The following CEP192 variants were observed in gnomAD, a reference collection of about 807,000 sequenced individuals.
CEP192 encodes the protein centrosomal protein 192.
A neutral mutation model predicts 271.8 loss-of-function variants in CEP192; 151 were observed. The observed-to-expected ratio is 0.56, with a 90% CI of 0.49 to 0.64. The LOEUF is 0.64. CEP192 is among the 30% of genes least tolerant of loss of function. The probability of loss-of-function intolerance (pLI) is 0.00; values close to 1 mark genes in which losing one functional copy is unlikely to be tolerated. For missense variants in CEP192, 2,910 were observed against 3,020.5 expected, an observed-to-expected ratio of 0.96 and a Z score of 0.86; for synonymous variants, 995 against 1,076.5, an observed-to-expected ratio of 0.92 and a Z score of 1.48.
intron 2 of CEP192, among the ~76,000 whole-genome samples, chr18:13,001,009 T>G (rs554508933): frequency 6.6e-6 from 1 of 152,352 alleles, no homozygotes; most frequent in South Asian, 2.1e-4. Flanking sequence ...AAAATTTCTG[T>G]TTTATTACCA....
intron 30 of CEP192, among the ~76,000 whole-genome samples, chr18:13,081,491 C>A (rs1195664758): frequency 3.3e-5 from 5 of 151,920 alleles, no homozygotes; most frequent in Admixed American, 2.0e-4. Flanking sequence ...ATCCCCTTTA[C>A]CATTGTTTAT....
chr18:13,084,758 C>T lies in CEP192; in HGVS notation c.5617-2259C>T, dbSNP rs186342310. On this transcript the variant is annotated intron_variant, in intron 30 of 44. Coordinates refer to ENST00000506447, the MANE Select transcript of CEP192 (RefSeq NM_032142.4). ...CTGTTCTTATTCAGCCATCTTGAAA[C>T]GGAGTCTCTAATGATCGCCATTCTC... Among the ~76,000 whole-genome samples, 473 of 152,180 alleles carry T rather than the reference C, an allele frequency of 3.1e-3. 5 individuals are homozygous for T. Among genetic ancestry groups the T allele is most frequent in the African/African-American group, 0.011 (461 of 41,534 alleles).
chr18:13,077,259 A>C (rs1373730678), intron 30 of CEP192, among the ~76,000 whole-genome samples: 1 of 152,140 alleles, frequency 6.6e-6, no homozygotes, highest in African/African-American at 2.4e-5. Context: ...GAGTATCCCT[A>C]ATCTGAAAAT....
intron 2 of CEP192, 150 bp from the exon 3 acceptor site, chr18:13,001,307 T>C (rs1025459205): frequency 1.8e-6 from 1 of 563,402 alleles, no homozygotes; most frequent in Non-Finnish European, 3.1e-6. Flanking sequence ...GTTTCCGTGC[T>C]TTGCACAGAG....
chr18:13,049,340 G>T lies in CEP192; in HGVS notation c.2549G>T (p.Gly850Val). 1 of 1,614,118 alleles carries T rather than the reference G, an allele frequency of 6.2e-7. No homozygotes were observed. Among genetic ancestry groups the T allele is most frequent in the African/African-American group, 1.3e-5 (1 of 75,044 alleles). The change falls in exon 16 of 45, where the codon GGA (glycine) becomes GTA (valine). Residue 850 changes from glycine (G) to valine (V), a missense_variant. Gly to Val is a moderately radical substitution (Grantham distance 109). Transcript: ENST00000506447. ...NTAAIVYVEN[G>V]ESENQESFRT... is the part of the protein sequence containing the mutation. Reference sequence around the variant, plus strand: ...GCAGCTATTGTTTATGTTGAAAATGGAGAGAGTGAGAATCAAGAGTCATTT... The same window carrying T: ...GCAGCTATTGTTTATGTTGAAAATGTAGAGAGTGAGAATCAAGAGTCATTT...
intron 13 of CEP192, among the ~76,000 whole-genome samples, 153 bp downstream of exon 13, chr18:13,038,732 C>T (rs1213921147): frequency 6.6e-6 from 1 of 152,198 alleles, no homozygotes; most frequent in Non-Finnish European, 1.5e-5. Context: ...ACCTTTACTG[C>T]AGTTCTAGCT....
chr18:13,114,342 C>A, intron 42 of CEP192, 91 bp downstream of exon 42: 2 of 1,371,610 alleles, frequency 1.5e-6, no homozygotes, highest in South Asian at 1.3e-5. Flanking sequence ...TACCTGAGTT[C>A]ACATGTGTTA....
chr18:13,109,600 C>T (rs1051728192), intron 40 of CEP192, among the ~76,000 whole-genome samples: 1 of 151,760 alleles, frequency 6.6e-6, no homozygotes, highest in African/African-American at 2.4e-5. Context: ...ATACAGGTGT[C>T]ATACATCTAT....
At chr18:13,121,966 C>A (rs539644188) in intron 44 of CEP192, among the ~76,000 whole-genome samples, 1 of 152,220 alleles carries the variant, frequency 6.6e-6, no homozygotes, top group Non-Finnish European at 1.5e-5. Flanking sequence ...AGTGTACTGG[C>A]TTTTTTTCTG....
At chr18:13,115,592 C>A (rs972859407) in intron 42 of CEP192, among the ~76,000 whole-genome samples, 1 of 151,850 alleles carries the variant, frequency 6.6e-6, no homozygotes, top group Admixed American at 6.6e-5. Context: ...TTAAAGGAGT[C>A]CAGGAGTAAA....
chr18:12,998,132 A>G (rs2033378132), intron 1 of CEP192, among the ~76,000 whole-genome samples: 1 of 152,172 alleles, frequency 6.6e-6, no homozygotes, highest in Admixed American at 6.5e-5. Flanking sequence ...CATTGATCCT[A>G]GTATACTCCT....
chr18:13,000,095 T>C (rs60549664), intron 2 of CEP192, among the ~76,000 whole-genome samples: 10,424 of 44,770 alleles, frequency 0.23, 930 homozygotes, highest in East Asian at 0.4. Flanking sequence ...TTCTCTCTTT[T>C]TTTTTTTTTT....
At chr18:13,069,684 A>T (rs1295012191) in intron 26 of CEP192, 54 bp from the exon 27 acceptor site, 2 of 1,069,788 alleles carry the variant, frequency 1.9e-6, no homozygotes, top group African/African-American at 1.6e-5. Context: ...CCACTGAGCG[A>T]AAACTGCGTT....
chr18:13,069,466 T>A (rs2037892940), intron 26 of CEP192, among the ~76,000 whole-genome samples: 1 of 152,200 alleles, frequency 6.6e-6, no homozygotes, highest in Admixed American at 6.5e-5. Context: ...TGAAGAATGA[T>A]CCGCACACGT....
Position 13,037,420 on chromosome 18 carries a change from T to C in CEP192, c.1599+119T>C. The C allele has an allele frequency of 5.9e-6, 3 of 507,952 alleles. No homozygotes were observed. In the South Asian group the frequency reaches 8.7e-5, roughly 15 times the overall value. The allele number at this position is 507,952 out of a possible 1,614,324, so 31.5% of individuals were successfully genotyped here. A position where few individuals can be genotyped will look rare whatever the true frequency, so the allele number is the denominator to read the frequency against. On this transcript the variant is annotated intron_variant, in intron 12 of 44. Transcript: ENST00000506447. ...AGTATAGAATTATTTCATATTTTTC[T>C]TATGGCTAGACAACTTCTGCTTTTT...
intron 38 of CEP192, among the ~76,000 whole-genome samples, chr18:13,100,895 T>C (rs1228356397): frequency 6.6e-6 from 1 of 152,188 alleles, no homozygotes; most frequent in Non-Finnish European, 1.5e-5. Context: ...ATAGACTTGC[T>C]CAGTTTCCCC....
chr18:13,115,220 C>T (rs181986305), intron 42 of CEP192, among the ~76,000 whole-genome samples: 2 of 152,236 alleles, frequency 1.3e-5, no homozygotes, highest in East Asian at 1.9e-4. Context: ...CCACAGCTCC[C>T]TTCTGGAGAC....
chr18:13,086,873 G>T, intron 30 of CEP192, 144 bp from the exon 31 acceptor site: 1 of 577,648 alleles, frequency 1.7e-6, no homozygotes, highest in African/African-American at 1.9e-5. Context: ...TGCTGGACTG[G>T]AAATGGGGAA....
chr18:13,017,987 G>C (rs1243337861), intron 7 of CEP192, among the ~76,000 whole-genome samples: 2 of 152,078 alleles, frequency 1.3e-5, no homozygotes, highest in Non-Finnish European at 2.9e-5. Context: ...AGTCAGGAGG[G>C]AAAAATAACC....
Sources: allele counts gnomAD v4.1 joint callset (sites outside exome capture counted in the v4.1 genomes callset), GRCh38; gene constraint gnomAD v4.1.1; transcripts MANE v1.5; gene names NCBI Gene and HGNC (gene_info 2026-07-23, HGNC 2026-07-21).